The following CPPED1 variants were observed in gnomAD, a reference collection of about 807,000 sequenced individuals.
CPPED1 encodes the protein calcineurin like phosphoesterase domain containing 1.
A neutral mutation model predicts 28.0 loss-of-function variants in CPPED1; 28 were observed. The ratio of observed to expected loss-of-function variants is 1.00; its 90% confidence interval spans 0.74 to 1.37. The LOEUF is 1.37. CPPED1 is among the 40% of genes most tolerant of loss of function. The probability of loss-of-function intolerance (pLI) is 0.00; values close to 1 mark genes in which losing one functional copy is unlikely to be tolerated. For missense variants in CPPED1, 504 were observed against 416.5 expected (o/e 1.21, Z -1.83); for synonymous variants, 198 against 180.2 (o/e 1.10, Z -0.79).
At chr16:12,708,147 A>C (rs1046874304) in intron 2 of CPPED1, among the ~76,000 whole-genome samples, 34 of 151,818 alleles carry the variant, frequency 2.2e-4, no homozygotes, top group Non-Finnish European at 4.7e-4. Context: ...ATTCTGTCTC[A>C]AAAAAATTAT....
At chr16:12,713,860 C>T (rs1343427156) in intron 2 of CPPED1, among the ~76,000 whole-genome samples, 1 of 152,064 alleles carries the variant, frequency 6.6e-6, no homozygotes, top group Non-Finnish European at 1.5e-5. Context: ...GAGTTGTGGA[C>T]TGTCATGAAA....
intron 2 of CPPED1, among the ~76,000 whole-genome samples, chr16:12,714,837 C>T (rs1054817900): frequency 1.3e-5 from 2 of 152,150 alleles, no homozygotes; most frequent in African/African-American, 4.8e-5. Flanking sequence ...GTCACCTGTG[C>T]TTTTAGCGTT....
chr16:12,667,504 T>C (rs1364031448), intron 3 of CPPED1, among the ~76,000 whole-genome samples: 1 of 152,146 alleles, frequency 6.6e-6, no homozygotes, highest in African/African-American at 2.4e-5. Context: ...CTGTAATCCC[T>C]GTACTTTGAG....
chr16:12,693,208 G>C (rs1029662774), intron 3 of CPPED1, among the ~76,000 whole-genome samples: 3 of 152,090 alleles, frequency 2.0e-5, no homozygotes, highest in African/African-American at 7.2e-5. Context: ...TCACCTAAAT[G>C]AGTGGTATTT....
At chr16:12,769,454 C>T (rs2080457667) in intron 2 of CPPED1, among the ~76,000 whole-genome samples, 1 of 152,096 alleles carries the variant, frequency 6.6e-6, no homozygotes, top group Non-Finnish European at 1.5e-5. Flanking sequence ...TGACAGCAGC[C>T]AGTGTGTCTC....
At chr16:12,767,787 A>G (rs1254523136) in intron 2 of CPPED1, among the ~76,000 whole-genome samples, 1 of 152,140 alleles carries the variant, frequency 6.6e-6, no homozygotes, top group African/African-American at 2.4e-5. Context: ...GTGAAACTCC[A>G]TCTCTACTAA....
At chr16:12,803,471 G>A (rs910608623) in intron 1 of CPPED1, among the ~76,000 whole-genome samples, 114 of 152,290 alleles carry the variant, frequency 7.5e-4, no homozygotes, top group Non-Finnish European at 2.4e-4. Context: ...TTCTCTGGGG[G>A]AAGTTAGGTC....
At chr16:12,667,511 T>C (rs541881336) in intron 3 of CPPED1, among the ~76,000 whole-genome samples, 3 of 152,324 alleles carry the variant, frequency 2.0e-5, no homozygotes, top group South Asian at 2.1e-4. Context: ...CCCTGTACTT[T>C]GAGAGGCTGA....
In CPPED1 at chr16:12,781,229, G is replaced by C. The variant is rs1325631918; in HGVS notation, c.245C>G (p.Pro82Arg). Residue 82 changes from proline (P) to arginine (R), a missense_variant, in exon 2 of 4, where the codon CCC (proline) becomes CGC (arginine). Physicochemically the swap from Pro to Arg is moderately radical, Grantham distance 103. Transcript: ENST00000381774. The stretch of plus-strand genomic sequence containing the variant: ...GTCGCCGCACAGAACGAAGAATTTG[G>C]GTTTGGGGTTCAGCTTGTTGATGGC... ...VQAINKLNPK[P>R]KFFVLCGDLI... The C allele has an allele frequency of 6.2e-7, 1 of 1,614,096 alleles. No homozygotes were observed.
At chr16:12,749,960 C>T (rs1455592591) in intron 2 of CPPED1, among the ~76,000 whole-genome samples, 7 of 152,150 alleles carry the variant, frequency 4.6e-5, no homozygotes, top group Non-Finnish European at 1.0e-4. Context: ...TTACTTTGCC[C>T]AGATCCATCC....
chr16:12,711,194 G>A (rs1236864428), intron 2 of CPPED1, among the ~76,000 whole-genome samples: 1 of 152,206 alleles, frequency 6.6e-6, no homozygotes, highest in Admixed American at 6.5e-5. Context: ...CAACATGGAT[G>A]AACCTTTAGG....
At chr16:12,790,727 G>A (rs1223040739) in intron 1 of CPPED1, among the ~76,000 whole-genome samples, 3 of 151,942 alleles carry the variant, frequency 2.0e-5, no homozygotes, top group South Asian at 4.2e-4. Context: ...TCAAGAGATC[G>A]AGACCATCCT....
chr16:12,725,817 T>C (rs1235253366), intron 2 of CPPED1, among the ~76,000 whole-genome samples: 1 of 152,330 alleles, frequency 6.6e-6, no homozygotes, highest in East Asian at 1.9e-4. Flanking sequence ...GTATTTCACA[T>C]ATATTTCATC....
At chr16:12,766,256 T>TATATATATAGAGAGAGAG in intron 2 of CPPED1, among the ~76,000 whole-genome samples, 21 of 134,284 alleles carry the variant, frequency 1.6e-4, no homozygotes, top group African/African-American at 7.3e-4. Flanking sequence ...TATATATATA[T>TATATATATAGAGAGAGAG]AGAGAGAGAG....
intron 3 of CPPED1, among the ~76,000 whole-genome samples, chr16:12,691,359 T>A (rs1199254758): frequency 6.6e-6 from 1 of 152,218 alleles, no homozygotes; most frequent in Non-Finnish European, 1.5e-5. Flanking sequence ...CACTGCAACC[T>A]CTGCCTCCTG....
intron 1 of CPPED1, among the ~76,000 whole-genome samples, chr16:12,802,831 C>G (rs1372790959): frequency 2.0e-5 from 3 of 152,314 alleles, no homozygotes; most frequent in Non-Finnish European, 2.9e-5. Context: ...AACAACAAAA[C>G]CTGTTGCAGA....
In CPPED1 at chr16:12,661,415, C is replaced by G. The variant is rs1051467327; in HGVS notation, c.*3471G>C. ...TTACTACATTTTTTCCCCATTCTCC[C>G]CAAACTTAGGAGAAACTTGACTAAA... On this transcript the variant is annotated 3_prime_UTR_variant, in exon 4 of 4. Transcript: ENST00000381774. The G allele has an allele frequency of 2.0e-5, 3 of 152,110 alleles. No individual in the cohort carries two copies. The highest frequency in any genetic ancestry group is 4.4e-5 in the Non-Finnish European group (3 of 68,034). The allele number at this position is 152,110 out of a possible 1,614,324, so 9.4% of individuals were successfully genotyped here.
intron 2 of CPPED1, among the ~76,000 whole-genome samples, chr16:12,742,667 GAA>G (rs2080262546): frequency 6.6e-6 from 1 of 152,166 alleles, no homozygotes. Flanking sequence ...ATGAAGACAT[GAA>G]TGTTCAAGGG....
intron 2 of CPPED1, among the ~76,000 whole-genome samples, chr16:12,746,341 T>G (rs916279219): frequency 1.1e-4 from 13 of 121,796 alleles, no homozygotes; most frequent in African/African-American, 3.8e-4. Flanking sequence ...ACCACTGCAC[T>G]CCCGCCTAGG....
Sources: gnomAD v4.1 joint callset for allele counts (sites outside exome capture counted in the v4.1 genomes callset) on GRCh38, gnomAD v4.1.1 for gene constraint, MANE v1.5 for transcripts, NCBI Gene and HGNC (gene_info 2026-07-23, HGNC 2026-07-21) for gene names.